The following ABCC6 variants were observed in gnomAD, a reference collection of about 807,000 sequenced individuals.
ABCC6 encodes ATP-binding cassette sub-family C member 6.
ABCC6 carries 126 observed loss-of-function variants against 169.5 expected under a neutral mutation model. That is an observed-to-expected ratio of 0.74 (90% CI 0.64 to 0.86). The LOEUF is 0.86. Among genes scored for constraint, ABCC6 ranks in the 40% least tolerant of loss-of-function variants. ABCC6 has a pLI of 0.00. For synonymous variants in ABCC6, 752 were observed against 814.7 expected (o/e 0.92, Z 1.31); for missense variants, 1,733 against 1,927.2 (o/e 0.90, Z 1.89).
chr16:16,198,036 G>T lies in ABCC6; in HGVS notation c.1323C>A (p.Phe441Leu). Residue 441 changes from phenylalanine to leucine, a missense_variant, in exon 10 of 31, where the codon TTC becomes TTA. By Grantham distance (22) the Phe-to-Leu change is conservative. Around this residue, in one of 5 missense-constraint regions of ABCC6, gnomAD observed 1,601 missense variants for 1,635.5 expected, o/e 0.98. Transcript: ENST00000205557. ...TCTGGCATACCTGCCAGAGATAGAC[G>T]AAGCAGACCACGATCCAGACGAGAG... The part of the protein sequence containing the change: ...WLPLVWIVVC[F>L]VYLWQLLGPS... 6.2e-7 allele frequency: 1 copy of T among 1,614,136 alleles called. No homozygotes were observed. The highest frequency in any genetic ancestry group is 1.1e-5 in the South Asian group (1 of 91,064).
intron 18 of ABCC6, among the ~76,000 whole-genome samples, chr16:16,178,321 CA>C (rs1450546282): frequency 6.7e-6 from 1 of 150,306 alleles, no homozygotes; most frequent in African/African-American, 2.4e-5. Context: ...AGCGAGACTC[CA>C]TCTCAAAAAA....
rs72650697 is a variant in ABCC6 at position 16,208,798 on chromosome 16, C to A, written c.724G>T (p.Glu242Ter). The part of the protein sequence containing the change: ...RPKDLWSLGR[E>*]NSSEELVSRL... ...GAAACAAGTTCTTCTGAGGAGTTTT[C>A]TCTCCCAAGCGACCAGAGGTCTTTT... Residue 242 changes from glutamate to a stop codon, truncating the protein, a stop_gained, in exon 7 of 31, where the codon GAA (glutamate) becomes TAA (stop). Coordinates refer to ENST00000205557, the MANE Select transcript of ABCC6 (RefSeq NM_001171.6). LOFTEE classifies it high-confidence loss of function. The A allele has an allele frequency of 1.2e-6, 2 of 1,613,386 alleles. No homozygotes were observed. Among genetic ancestry groups the A allele is most frequent in the Non-Finnish European group, 1.7e-6 (2 of 1,179,776 alleles).
chr16:16,152,999 C>T (rs902161775), intron 29 of ABCC6, among the ~76,000 whole-genome samples: 1 of 151,992 alleles, frequency 6.6e-6, no homozygotes, highest in Non-Finnish European at 1.5e-5. Flanking sequence ...CGGGTTCAAG[C>T]GATTCTCCTG....
chr16:16,176,325 GCTAA>G (rs768116284), intron 19 of ABCC6, among the ~76,000 whole-genome samples: 14 of 152,112 alleles, frequency 9.2e-5, no homozygotes, highest in Non-Finnish European at 1.5e-4. Flanking sequence ...CTTTTTTCTG[GCTAA>G]CTCTCACCTA....
intron 25 of ABCC6, among the ~76,000 whole-genome samples, chr16:16,160,470 C>A (rs928917871): frequency 6.6e-6 from 1 of 151,838 alleles, no homozygotes; most frequent in Non-Finnish European, 1.5e-5. Context: ...CCACTGCACT[C>A]CAGTCTGGGC....
intron 29 of ABCC6, among the ~76,000 whole-genome samples, chr16:16,153,351 T>C (rs570458874): frequency 1.5e-4 from 23 of 152,332 alleles, no homozygotes; most frequent in African/African-American, 4.8e-4. Flanking sequence ...TGGAAAATTA[T>C]TCGGCCTTAA....
At chr16:16,173,516 T>C in intron 20 of ABCC6, 112 bp from the exon 21 acceptor site, 5 of 1,270,572 alleles carry the variant, frequency 3.9e-6, no homozygotes, top group Non-Finnish European at 5.7e-6. Flanking sequence ...CACTCTGTAC[T>C]CTTTCATTCA....
At chr16:16,169,364 G>A (rs936655437) in intron 22 of ABCC6, among the ~76,000 whole-genome samples, 19 of 152,182 alleles carry the variant, frequency 1.2e-4, no homozygotes, top group African/African-American at 4.1e-4. Flanking sequence ...AGGTTTGGGG[G>A]CAGGCACTGA....
intron 23 of ABCC6, among the ~76,000 whole-genome samples, chr16:16,165,408 GTC>G (rs763144044): frequency 6.6e-6 from 1 of 152,038 alleles, no homozygotes; most frequent in East Asian, 1.9e-4. Context: ...GCAAGATTCT[GTC>G]TCTCTAAAAA....
At chr16:16,178,266 C>T (rs1016358705) in intron 18 of ABCC6, among the ~76,000 whole-genome samples, 2 of 151,998 alleles carry the variant, frequency 1.3e-5, no homozygotes, top group African/African-American at 4.8e-5. Flanking sequence ...GCCGGAGCTT[C>T]CAGTGAGCGG....
chr16:16,198,238 C>A lies in ABCC6; in HGVS notation c.1177-56G>T, dbSNP rs966664125. Reference sequence around the variant, plus strand: ...GTGGGGAGGCCGGGGCAGAGGGATGCCCCAGGTGGCTTCTCCACCCACTGA... The same window carrying A: ...GTGGGGAGGCCGGGGCAGAGGGATGACCCAGGTGGCTTCTCCACCCACTGA... On this transcript the variant is annotated intron_variant, in intron 9 of 30. Coordinates refer to ENST00000205557, the MANE Select transcript of ABCC6 (RefSeq NM_001171.6). The A allele has an allele frequency of 1.9e-6, 3 of 1,539,760 alleles. No homozygotes were observed. In the African/African-American group the frequency reaches 4.1e-5, roughly 21 times the overall value.
chr16:16,175,136 A>G (rs1231374331), intron 20 of ABCC6, among the ~76,000 whole-genome samples: 1 of 151,938 alleles, frequency 6.6e-6, no homozygotes, highest in Non-Finnish European at 1.5e-5. Context: ...ATCTTACTTC[A>G]GATTCTTGTG....
chr16:16,187,546 G>A (rs1333810994), intron 13 of ABCC6, among the ~76,000 whole-genome samples: 2 of 152,184 alleles, frequency 1.3e-5, no homozygotes, highest in Admixed American at 6.5e-5. Context: ...TCCACCTGGG[G>A]GCGCTCTCTC....
At chr16:16,152,628 G>A (rs891791937) in intron 29 of ABCC6, among the ~76,000 whole-genome samples, 7 of 151,136 alleles carry the variant, frequency 4.6e-5, no homozygotes, top group Admixed American at 4.0e-4. Flanking sequence ...TGCAAGGTAG[G>A]TAGGTGCTAT....
intron 13 of ABCC6, among the ~76,000 whole-genome samples, chr16:16,187,713 A>T (rs1252423195): frequency 6.6e-6 from 1 of 152,012 alleles, no homozygotes; most frequent in Non-Finnish European, 1.5e-5. Flanking sequence ...GGAACATAGC[A>T]AGACTCTTTG....
At chr16:16,208,359 T>C (rs1416076805) in intron 7 of ABCC6, among the ~76,000 whole-genome samples, 1 of 151,554 alleles carries the variant, frequency 6.6e-6, no homozygotes, top group East Asian at 1.9e-4. Context: ...TTTTTGTTTT[T>C]GTTTTTGTCT....
Position 16,214,466 on chromosome 16 carries a change from A to G in ABCC6, c.475-17T>C. 6.4e-7 allele frequency: 1 copy of G among 1,551,898 alleles called. No individual in the cohort carries two copies. On this transcript the variant is annotated splice_polypyrimidine_tract_variant and intron_variant, in intron 4 of 30. Transcript: ENST00000205557. ...CTGGAAGCCCTGTGGGAGGGAAAGC[A>G]GAAGATAAGGAATGGAGACAGAGGA...
At chr16:16,197,896 A>G (rs2048103159) in intron 10 of ABCC6, 125 bp downstream of exon 10, 1 of 1,164,036 alleles carries the variant, frequency 8.6e-7, no homozygotes, top group Admixed American at 2.1e-5. Context: ...CTGGGGTCAC[A>G]GCGGACCTCT....
intron 30 of ABCC6, 149 bp from the exon 31 acceptor site, chr16:16,150,390 C>A: frequency 2.0e-6 from 3 of 1,520,424 alleles, no homozygotes; most frequent in East Asian, 2.5e-5. Context: ...GGGTTGGAAG[C>A]GTGTGCTGGG....
Sources: allele counts gnomAD v4.1 joint callset (sites outside exome capture counted in the v4.1 genomes callset), GRCh38; gene constraint gnomAD v4.1.1; regional missense constraint gnomAD v4.1.1; transcripts MANE v1.5; gene names NCBI Gene and HGNC (gene_info 2026-07-23, HGNC 2026-07-21).